PRKAG2: variants seen among roughly 807,000 people sequenced by gnomAD.
PRKAG2 encodes the protein protein kinase AMP-activated non-catalytic subunit gamma 2, also known as 5'-AMP-activated protein kinase subunit gamma-2.
Under a neutral mutation model 69.6 loss-of-function variants are expected in PRKAG2, and 26 were observed. The ratio of observed to expected loss-of-function variants is 0.37; its 90% CI spans 0.27 to 0.52. The LOEUF (loss-of-function observed/expected upper bound fraction) is 0.52. PRKAG2 is among the 20% of genes least tolerant of loss of function. PRKAG2 has a pLI of 0.90. For missense variants in PRKAG2, 557 were observed against 740.0 expected (o/e 0.75, Z 2.87); for synonymous variants, 293 against 285.0 (o/e 1.03, Z -0.28).
intron 3 of PRKAG2, chr7:151,736,355 G>A: frequency 1.9e-6 from 2 of 1,056,816 alleles, no homozygotes; most frequent in South Asian, 3.5e-5. Flanking sequence ...TGTAGTTAAG[G>A]TCAGCTGCTC....
chr7:151,790,337 C>T (rs2077216202), intron 1 of PRKAG2, among the ~76,000 whole-genome samples: 1 of 152,234 alleles, frequency 6.6e-6, no homozygotes, highest in South Asian at 2.1e-4. Context: ...GAGTCACCCT[C>T]AGACAGAATT....
intron 3 of PRKAG2, among the ~76,000 whole-genome samples, chr7:151,740,988 T>G (rs544859468): frequency 1.1e-4 from 17 of 152,364 alleles, no homozygotes; most frequent in African/African-American, 3.1e-4. Context: ...TTTAGGAGTT[T>G]CATGTTTAGA....
chr7:151,747,842 CT>C (rs2074390358), intron 3 of PRKAG2, among the ~76,000 whole-genome samples: 3 of 151,046 alleles, frequency 2.0e-5, no homozygotes, highest in African/African-American at 7.3e-5. Flanking sequence ...ACCTCAAATT[CT>C]TTTCTGTTTA....
chr7:151,761,901 T>A (rs1290760733), intron 3 of PRKAG2, among the ~76,000 whole-genome samples: 1 of 152,140 alleles, frequency 6.6e-6, no homozygotes, highest in African/African-American at 2.4e-5. Flanking sequence ...GAAAAGGAAA[T>A]TTATCCCCGT....
rs770303164 is a variant in PRKAG2 at position 151,807,497 on chromosome 7, G to A, written c.115-20956C>T. ...CATGGCGTGTTACACCTATCAGATCGGGCACACTGCCCCTTCTTCCCAACC... is the reference window on the plus strand; with the variant it reads ...CATGGCGTGTTACACCTATCAGATCAGGCACACTGCCCCTTCTTCCCAACC... On this transcript the variant is annotated intron_variant, in intron 1 of 15. Coordinates refer to ENST00000287878, the MANE Select transcript of PRKAG2 (RefSeq NM_016203.4). This position sits in a 1 kb window ranked among gnomAD's most constrained non-coding sequence, Gnocchi z 4.4. 6.6e-6 allele frequency: 3 copies of A among 457,802 alleles called. No homozygotes were observed. Among genetic ancestry groups the A allele is most frequent in the Admixed American group, 4.7e-5 (2 of 42,580 alleles). The allele number at this position is 457,802 out of a possible 1,614,324, so 28.4% of individuals were successfully genotyped here. A position where few individuals can be genotyped will look rare whatever the true frequency, so the allele number is the denominator to read the frequency against.
chr7:151,762,129 G>A (rs11763714), intron 3 of PRKAG2, among the ~76,000 whole-genome samples: 1 of 152,190 alleles, frequency 6.6e-6, no homozygotes, highest in Admixed American at 6.5e-5. Context: ...GCGCACCTCA[G>A]CGAGGAACAA....
intron 3 of PRKAG2, among the ~76,000 whole-genome samples, chr7:151,713,855 C>T (rs772552789): frequency 6.6e-6 from 1 of 152,192 alleles, no homozygotes; most frequent in Admixed American, 6.5e-5. Context: ...GGATTACAGG[C>T]ATGAGCCACT....
chr7:151,700,618 G>C (rs1465768295), intron 3 of PRKAG2, among the ~76,000 whole-genome samples: 1 of 152,150 alleles, frequency 6.6e-6, no homozygotes. Context: ...TCCAGGTAAT[G>C]CCAGGCCTGC....
At chr7:151,815,816 G>A (rs1186325857) in intron 1 of PRKAG2, among the ~76,000 whole-genome samples, 3 of 152,154 alleles carry the variant, frequency 2.0e-5, no homozygotes, top group African/African-American at 7.2e-5. Flanking sequence ...GAACCCCGCC[G>A]TGTCCCTCAT....
At chr7:151,589,582 T>C (rs1200279662) in intron 6 of PRKAG2, among the ~76,000 whole-genome samples, 2 of 152,222 alleles carry the variant, frequency 1.3e-5, no homozygotes, top group African/African-American at 2.4e-5. Context: ...CTTATGTTCT[T>C]TTTCTGTTCA....
At chr7:151,707,228 G>A (rs894555483) in intron 3 of PRKAG2, among the ~76,000 whole-genome samples, 3 of 152,212 alleles carry the variant, frequency 2.0e-5, no homozygotes, top group African/African-American at 7.2e-5. Flanking sequence ...GTCCAGGCTA[G>A]ACGGCATCCT....
At chr7:151,860,923 A>G (rs1329118700) in intron 1 of PRKAG2, among the ~76,000 whole-genome samples, 1 of 152,138 alleles carries the variant, frequency 6.6e-6, no homozygotes, top group Non-Finnish European at 1.5e-5. Flanking sequence ...CTAAAGTCCC[A>G]GTATTCTGCT....
chr7:151,849,721 C>G (rs7812239), intron 1 of PRKAG2, among the ~76,000 whole-genome samples: 34,486 of 152,044 alleles, frequency 0.23, 4,358 homozygotes, highest in Middle Eastern at 0.32. Flanking sequence ...CTGTCTCGGC[C>G]TCTGCTGTCC....
intron 5 of PRKAG2, among the ~76,000 whole-genome samples, chr7:151,611,169 G>C (rs1818737682): frequency 6.6e-6 from 1 of 152,216 alleles, no homozygotes; most frequent in Middle Eastern, 3.2e-3. Context: ...CGTGCAGGGT[G>C]GGAGCAGAGC....
chr7:151,792,937 G>A (rs1168278466), intron 1 of PRKAG2, among the ~76,000 whole-genome samples: 1 of 152,210 alleles, frequency 6.6e-6, no homozygotes, highest in African/African-American at 2.4e-5. Context: ...GCAGCAGGGA[G>A]GGAGCCGGGG....
intron 4 of PRKAG2, among the ~76,000 whole-genome samples, chr7:151,652,753 G>A (rs1044946666): frequency 5.9e-5 from 9 of 152,094 alleles, no homozygotes; most frequent in Admixed American, 5.9e-4. Context: ...CTTCTCATGA[G>A]TGGCTGGGAC....
chr7:151,619,416 A>G (rs1426925503), intron 5 of PRKAG2, among the ~76,000 whole-genome samples: 2 of 152,188 alleles, frequency 1.3e-5, no homozygotes, highest in African/African-American at 4.8e-5. Flanking sequence ...GTGCCAACAC[A>G]ATGCCATAAG....
intron 3 of PRKAG2, chr7:151,735,907 G>C (rs752008720): frequency 1.3e-6 from 2 of 1,536,194 alleles, no homozygotes; most frequent in African/African-American, 1.4e-5. Flanking sequence ...TACCGAAAAG[G>C]CCATGAGGCT....
intron 1 of PRKAG2, among the ~76,000 whole-genome samples, chr7:151,834,717 AGTGGAGGGAGT>A (rs756143251): frequency 3.7e-4 from 57 of 152,162 alleles, no homozygotes; most frequent in Non-Finnish European, 5.3e-4. Flanking sequence ...CCAGGAACGG[AGTGGAGGGAGT>A]GTGGAGGGCT....
Sources: allele counts gnomAD v4.1 joint callset (sites outside exome capture counted in the v4.1 genomes callset), GRCh38; gene constraint gnomAD v4.1.1; non-coding constraint Gnocchi (gnomAD v3.1); transcripts MANE v1.5; gene names NCBI Gene and HGNC (gene_info 2026-07-23, HGNC 2026-07-21).